The following PCDHB10 variants were observed in gnomAD, a reference collection of about 807,000 sequenced individuals.
PCDHB10 encodes the protein protocadherin beta 10.
For synonymous variants in PCDHB10, 448 were observed against 449.2 expected (o/e 1.00, Z 0.04); for missense variants, 1,046 against 1,004.7 (o/e 1.04, Z -0.56).
rs1282335025 is a variant in PCDHB10 at position 141,193,013 on chromosome 5, T to C, written c.461T>C (p.Leu154Pro). The C allele has an allele frequency of 2.5e-6, 4 of 1,614,050 alleles. No homozygotes were observed. The highest frequency in any genetic ancestry group is 2.7e-5 in the African/African-American group (2 of 74,900). ...ENTAEGTAFR[L>P]ERAQDPDGGL... Reference sequence around the variant, plus strand: ...ACAGCTGAAGGGACAGCATTTAGACTAGAAAGAGCACAGGATCCAGATGGA... The same window carrying C: ...ACAGCTGAAGGGACAGCATTTAGACCAGAAAGAGCACAGGATCCAGATGGA... The change falls in exon 1 of 1, where the codon CTA (leucine) becomes CCA (proline). Residue 154 changes from leucine (L) to proline (P), a missense_variant. Coordinates refer to ENST00000239446, the MANE Select transcript of PCDHB10 (RefSeq NM_018930.4).
Position 141,194,174 on chromosome 5 carries a change from T to C in PCDHB10, c.1622T>C (p.Leu541Pro). The change falls in exon 1 of 1, where the codon CTG becomes CCG. Residue 541 changes from leucine (L) to proline (P), a missense_variant. By Grantham distance (98) the Leu-to-Pro change is moderately conservative (BLOSUM62 -3). Transcript: ENST00000239446. The stretch of plus-strand genomic sequence containing the variant: ...GCCACAGACCGCGGCTCCCCCGCGC[T>C]GAGCAGAGAGGCGCTGGTGCGCGTG... ...VGATDRGSPA[L>P]SREALVRVLV... The C allele has an allele frequency of 6.2e-7, 1 of 1,604,110 alleles. No individual in the cohort carries two copies. The highest frequency in any genetic ancestry group is 8.5e-7 in the Non-Finnish European group (1 of 1,177,750).
rs1315400695 is a variant in PCDHB10 at position 141,193,345 on chromosome 5, T to C, written c.793T>C (p.Trp265Arg). The C allele has an allele frequency of 2.5e-6, 4 of 1,614,060 alleles. No homozygotes were observed. The highest frequency in any genetic ancestry group is 1.1e-5 in the South Asian group (1 of 91,082). The change falls in exon 1 of 1, where the codon TGG (tryptophan) becomes CGG (arginine). Residue 265 changes from tryptophan to arginine, a missense_variant. By Grantham distance (101) the Trp-to-Arg change is moderately radical. Coordinates refer to ENST00000239446, the MANE Select transcript of PCDHB10 (RefSeq NM_018930.4). ...SPIGFLIVKV[W>R]AEDVDSGVNA... ...CATTGGGTTCCTTATTGTTAAGGTA[T>C]GGGCAGAAGATGTAGACTCTGGAGT... is the stretch of plus-strand genomic sequence containing the variant.
In PCDHB10 at chr5:141,192,544, G is replaced by A; in HGVS notation, c.-9G>A. 2.5e-6 allele frequency: 4 copies of A among 1,611,628 alleles called. No individual in the cohort carries two copies. The highest frequency in any genetic ancestry group is 3.4e-6 in the Non-Finnish European group (4 of 1,178,980). On this transcript the variant is annotated 5_prime_UTR_variant, in exon 1 of 1. An upstream start codon of the reference 5' UTR is lost. Coordinates refer to ENST00000239446, the MANE Select transcript of PCDHB10 (RefSeq NM_018930.4). ...TGTAACCAACTAGGAAATAACGTAT[G>A]CAGCAGCTATGGCTGTCAGAGAGTT...
rs1322508323 is a variant in PCDHB10 at position 141,193,660 on chromosome 5, A to G, written c.1108A>G (p.Ile370Val). ...TGAGACGCCGCTGGCTGTTTTTAAGATTAATGACAGAGACTCTGGAGAAAA... is the reference window on the plus strand; with the variant it reads ...TGAGACGCCGCTGGCTGTTTTTAAGGTTAATGACAGAGACTCTGGAGAAAA... Reference protein sequence around the residue: ...SPETPLAVFKINDRDSGENGK... With the variant: ...SPETPLAVFKVNDRDSGENGK... Residue 370 changes from isoleucine to valine, a missense_variant, in exon 1 of 1, where the codon ATT becomes GTT. Transcript: ENST00000239446. 1.2e-6 allele frequency: 2 copies of G among 1,614,148 alleles called. No individual in the cohort carries two copies. Among genetic ancestry groups the G allele is most frequent in the South Asian group, 1.1e-5 (1 of 91,080 alleles).
Position 141,192,670 on chromosome 5 carries a change from G to C in PCDHB10, c.118G>C (p.Glu40Gln). Residue 40 changes from glutamate to glutamine, a missense_variant, in exon 1 of 1, where the codon GAG becomes CAG. Coordinates refer to ENST00000239446, the MANE Select transcript of PCDHB10 (RefSeq NM_018930.4). ...FGRYSVTEET[E>Q]KGSFVVNLAK... ...ACGTTATTCGGTGACTGAGGAAACA[G>C]AGAAAGGATCCTTTGTGGTCAATCT... 1 of 1,614,028 alleles carries C rather than the reference G, an allele frequency of 6.2e-7. No individual in the cohort carries two copies. Among genetic ancestry groups the C allele is most frequent in the South Asian group, 1.1e-5 (1 of 91,078 alleles).
chr5:141,194,377 G>A lies in PCDHB10; in HGVS notation c.1825G>A (p.Ala609Thr), dbSNP rs782027926. ...CTGGCTGTCGTACCAGCTGCTCAAG[G>A]CCACGGAGCCCGGGCTGTTCGGTGT... is the stretch of plus-strand genomic sequence containing the variant. ...NAWLSYQLLK[A>T]TEPGLFGVWA... Residue 609 changes from alanine to threonine, a missense_variant, in exon 1 of 1, where the codon GCC becomes ACC. Physicochemically the swap from Ala to Thr is moderately conservative, Grantham distance 58. Coordinates refer to ENST00000239446, the MANE Select transcript of PCDHB10 (RefSeq NM_018930.4). 1.2e-6 allele frequency: 2 copies of A among 1,602,390 alleles called. No individual in the cohort carries two copies. The highest frequency in any genetic ancestry group is 1.3e-5 in the African/African-American group (1 of 74,840).
In PCDHB10 at chr5:141,192,394, T is replaced by C; in HGVS notation, c.-159T>C. 1 of 877,136 alleles carries C rather than the reference T, an allele frequency of 1.1e-6. No individual in the cohort carries two copies. Among genetic ancestry groups the C allele is most frequent in the Non-Finnish European group, 1.8e-6 (1 of 570,020 alleles). 54.3% of individuals were successfully genotyped at this position (877,136 alleles called of 1,614,324 possible). A position where few individuals can be genotyped will look rare whatever the true frequency, so the allele number is the denominator to read the frequency against. On this transcript the variant is annotated 5_prime_UTR_variant, in exon 1 of 1. The change abolishes an upstream ATG in the 5' untranslated region. Coordinates refer to ENST00000239446, the MANE Select transcript of PCDHB10 (RefSeq NM_018930.4). ...ACTAATAAAGGAAGACACGGACAGA[T>C]GAACTTAAAAGAGAAGCTTTAGCTG...
In PCDHB10 at chr5:141,192,699, A is replaced by G; in HGVS notation, c.147A>G (p.Ala49=). ...AAGGATCCTTTGTGGTCAATCTGGC[A>G]AAGGATCTGGGACTAGCAGAGGGGG... ...TEKGSFVVNL[A]KDLGLAEGEL... The change falls in exon 1 of 1, where the codon GCA becomes GCG. Residue 49 remains alanine, a synonymous_variant. Transcript: ENST00000239446. The G allele has an allele frequency of 6.2e-7, 1 of 1,613,856 alleles. No homozygotes were observed. Among genetic ancestry groups the G allele is most frequent in the South Asian group, 1.1e-5 (1 of 91,056 alleles).
chr5:141,194,808 GTA>G lies in PCDHB10; in HGVS notation c.2258_2259del (p.Tyr753Ter). ...CTGAGACCCTGTCCCAGAGCTACCA[GTA>G]TGAGGTGTGTCTGACGGGAGGCCCC... ...GAETLSQSYQ[Y>X]EVCLTGGPGT... On this transcript the variant is annotated frameshift_variant, in exon 1 of 1. Coordinates refer to ENST00000239446, the MANE Select transcript of PCDHB10 (RefSeq NM_018930.4). LOFTEE classifies it low-confidence loss of function (END_TRUNC). 6.2e-7 allele frequency: 1 copy of G among 1,614,178 alleles called. No individual in the cohort carries two copies. The highest frequency in any genetic ancestry group is 1.3e-5 in the African/African-American group (1 of 75,060).
rs1257743404 is a variant in PCDHB10, at chr5:141,195,475, C to G, written c.*520C>G. The G allele has an allele frequency of 6.0e-6, 1 of 166,764 alleles. No homozygotes were observed. The highest frequency in any genetic ancestry group is 1.5e-5 in the Non-Finnish European group (1 of 68,036). The allele number at this position is 166,764 out of a possible 1,614,324, so 10.3% of individuals were successfully genotyped here. A position where few individuals can be genotyped will look rare whatever the true frequency, so the allele number is the denominator to read the frequency against. The stretch of plus-strand genomic sequence containing the variant: ...GAGCAATACTGAACATCAATAATAC[C>G]CTTAGTTTATATACTTATTATTTTA... On this transcript the variant is annotated 3_prime_UTR_variant, in exon 1 of 1. Coordinates refer to ENST00000239446, the MANE Select transcript of PCDHB10 (RefSeq NM_018930.4).
In PCDHB10 at chr5:141,194,805, C is replaced by A. The variant is rs199821453; in HGVS notation, c.2253C>A (p.Tyr751Ter). ...GCGCTGAGACCCTGTCCCAGAGCTA[C>A]CAGTATGAGGTGTGTCTGACGGGAG... ...VRGAETLSQS[Y>*]QYEVCLTGGP... The change falls in exon 1 of 1, where the codon TAC becomes TAA. Residue 751 changes from tyrosine (Y) to a stop codon, truncating the protein, a stop_gained. Coordinates refer to ENST00000239446, the MANE Select transcript of PCDHB10 (RefSeq NM_018930.4). LOFTEE classifies it low-confidence loss of function (END_TRUNC). 40 of 1,614,118 alleles carry A rather than the reference C, an allele frequency of 2.5e-5. No homozygotes were observed. Among genetic ancestry groups the A allele is most frequent in the Non-Finnish European group, 3.2e-5 (38 of 1,180,028 alleles).
In PCDHB10 at chr5:141,193,384, T is replaced by C. The variant is rs148919446; in HGVS notation, c.832T>C (p.Ser278Pro). ...DVDSGVNAEV[S>P]YSFFDASENI... is the part of the protein sequence containing the mutation. ...AGACTCTGGAGTCAACGCGGAAGTATCCTATTCATTTTTTGATGCCTCAGA... is the reference window on the plus strand; with the variant it reads ...AGACTCTGGAGTCAACGCGGAAGTACCCTATTCATTTTTTGATGCCTCAGA... Residue 278 changes from serine to proline, a missense_variant, in exon 1 of 1, where the codon TCC becomes CCC. Physicochemically the swap from Ser to Pro is moderately conservative, Grantham distance 74. Transcript: ENST00000239446. 16 of 1,614,058 alleles carry C rather than the reference T, an allele frequency of 9.9e-6. No homozygotes were observed. The African/African-American group carries it at 1.9e-4, about 19-fold the overall frequency.
chr5:141,193,184 C>A lies in PCDHB10; in HGVS notation c.632C>A (p.Thr211Asn). The A allele has an allele frequency of 6.2e-7, 1 of 1,614,092 alleles. No homozygotes were observed. Among genetic ancestry groups the A allele is most frequent in the South Asian group, 1.1e-5 (1 of 91,080 alleles). The change falls in exon 1 of 1, where the codon ACC becomes AAC. Residue 211 changes from threonine (T) to asparagine (N), a missense_variant. Physicochemically the swap from Thr to Asn is moderately conservative, Grantham distance 65. Coordinates refer to ENST00000239446, the MANE Select transcript of PCDHB10 (RefSeq NM_018930.4). The part of the protein sequence containing the change: ...DREEQGELSL[T>N]LTALDGGSPS... The stretch of plus-strand genomic sequence containing the variant: ...GAGGAGCAGGGAGAGCTCAGCTTAA[C>A]CCTCACAGCGCTGGATGGTGGGTCT...
In PCDHB10 at chr5:141,194,587, G is replaced by C. The variant is rs782677080; in HGVS notation, c.2035G>C (p.Ala679Pro). The C allele has an allele frequency of 6.5e-7, 1 of 1,542,846 alleles. No homozygotes were observed. The highest frequency in any genetic ancestry group is 8.7e-7 in the Non-Finnish European group (1 of 1,148,014). Residue 679 changes from alanine (A) to proline (P), a missense_variant, in exon 1 of 1, where the codon GCC becomes CCC. Physicochemically the swap from Ala to Pro is conservative, Grantham distance 27. Transcript: ENST00000239446. ...CCTGCCTCTCCCGGAGGCGGCCCCG[G>C]CCCAGGCCCAGGCCGAGGCCGACTT... is the stretch of plus-strand genomic sequence containing the variant. ...PYLPLPEAAP[A>P]QAQAEADLLT...
rs1563954155 is a variant in PCDHB10, at chr5:141,193,567, G to A, written c.1015G>A (p.Asp339Asn). 6.2e-7 allele frequency: 1 copy of A among 1,614,090 alleles called. No homozygotes were observed. Among genetic ancestry groups the A allele is most frequent in the East Asian group, 2.2e-5 (1 of 44,872 alleles). Residue 339 changes from aspartate to asparagine, a missense_variant, in exon 1 of 1, where the codon GAC (aspartate) becomes AAC (asparagine). Asp to Asn is a conservative substitution (Grantham distance 23). Coordinates refer to ENST00000239446, the MANE Select transcript of PCDHB10 (RefSeq NM_018930.4). The part of the protein sequence containing the change: ...ARCRVLVEVL[D>N]TNDNPPELIV... ...ATGTAGGGTTTTAGTGGAAGTATTG[G>A]ACACCAATGACAATCCCCCTGAACT...
chr5:141,192,484 T>G lies in PCDHB10; in HGVS notation c.-69T>G. The stretch of plus-strand genomic sequence containing the variant: ...GGCTACACGGCGTAGGTGCAGGGTT[T>G]CCTACTGCTGTTCTTTTATGCTGGG... On this transcript the variant is annotated 5_prime_UTR_variant, in exon 1 of 1. Transcript: ENST00000239446. The G allele has an allele frequency of 6.4e-7, 1 of 1,557,784 alleles. No individual in the cohort carries two copies. The highest frequency in any genetic ancestry group is 8.7e-7 in the Non-Finnish European group (1 of 1,153,704).
Position 141,194,774 on chromosome 5 carries a change from T to G in PCDHB10, c.2222T>G (p.Val741Gly). Residue 741 changes from valine (V) to glycine (G), a missense_variant, in exon 1 of 1, where the codon GTG (valine) becomes GGG (glycine). Coordinates refer to ENST00000239446, the MANE Select transcript of PCDHB10 (RefSeq NM_018930.4). ...CCTTTTCCAGGGCATCTGGTGGACG[T>G]GAGGGGCGCTGAGACCCTGTCCCAG... Reference protein sequence around the residue: ...EGPFPGHLVDVRGAETLSQSY... With the variant: ...EGPFPGHLVDGRGAETLSQSY... The G allele has an allele frequency of 6.2e-7, 1 of 1,613,952 alleles. No individual in the cohort carries two copies. The highest frequency in any genetic ancestry group is 8.5e-7 in the Non-Finnish European group (1 of 1,179,966).
Position 141,192,470 on chromosome 5 carries a change from G to A in PCDHB10, c.-83G>A. 1.3e-6 allele frequency: 2 copies of A among 1,518,276 alleles called. No individual in the cohort carries two copies. Among genetic ancestry groups the A allele is most frequent in the Admixed American group, 2.1e-5 (1 of 47,570 alleles). 94.1% of individuals were successfully genotyped at this position (1,518,276 alleles called of 1,614,324 possible). On this transcript the variant is annotated 5_prime_UTR_variant, in exon 1 of 1. Transcript: ENST00000239446. ...AAAAAAGACCCCTGGGCTACACGGC[G>A]TAGGTGCAGGGTTTCCTACTGCTGT...
rs782502756 is a variant in PCDHB10, at chr5:141,193,116, C to A, written c.564C>A (p.Gly188=). 6.2e-7 allele frequency: 1 copy of A among 1,614,136 alleles called. No individual in the cohort carries two copies. The part of the protein sequence containing the change: ...FHINISGGDE[G]MIYPELVLDK... ...TTAACATTAGTGGCGGTGATGAAGG[C>A]ATGATATATCCAGAGCTAGTGTTGG... The change falls in exon 1 of 1, where the codon GGC becomes GGA. Residue 188 remains glycine, a synonymous_variant. Coordinates refer to ENST00000239446, the MANE Select transcript of PCDHB10 (RefSeq NM_018930.4).
Sources: gnomAD v4.1 joint callset for allele counts on GRCh38, gnomAD v4.1.1 for gene constraint, MANE v1.5 for transcripts, NCBI Gene and HGNC (gene_info 2026-07-23, HGNC 2026-07-21) for gene names.